The following HMBOX1 variants were observed in gnomAD, a reference collection of about 807,000 sequenced individuals.
HMBOX1 encodes homeobox-containing protein 1.
Under a neutral mutation model 54.5 loss-of-function variants are expected in HMBOX1, and 14 were observed. That is an observed-to-expected ratio of 0.26 (90% confidence interval 0.17 to 0.40). The LOEUF (loss-of-function observed/expected upper bound fraction) is 0.40, where lower values mean the gene tolerates loss of function less well. HMBOX1 is among the 10% of genes least tolerant of loss of function. The pLI is 1.00. For synonymous variants in HMBOX1, 160 were observed against 181.0 expected (o/e 0.88, Z 0.93); for missense variants, 332 against 514.4 (o/e 0.65, Z 3.43).
chr8:28,929,819 A>G (rs1231489793), intron 1 of HMBOX1, among the ~76,000 whole-genome samples: 1 of 151,520 alleles, frequency 6.6e-6, no homozygotes. Context: ...TGCCACCCAC[A>G]CTCTTGATCC....
chr8:29,024,649 A>G (rs1801738621), intron 6 of HMBOX1, among the ~76,000 whole-genome samples: 1 of 152,210 alleles, frequency 6.6e-6, no homozygotes, highest in Non-Finnish European at 1.5e-5. Context: ...TAGGAATTTA[A>G]TTACTATACA....
At chr8:28,933,099 G>A (rs2131923858) in intron 1 of HMBOX1, among the ~76,000 whole-genome samples, 1 of 152,098 alleles carries the variant, frequency 6.6e-6, no homozygotes, top group Middle Eastern at 3.4e-3. Flanking sequence ...TGGAAAGAAG[G>A]GGAAAGTCAC....
chr8:28,900,290 A>ATATATATT (rs1563349833), intron 1 of HMBOX1, among the ~76,000 whole-genome samples: 1 of 143,816 alleles, frequency 7.0e-6, no homozygotes, highest in South Asian at 2.2e-4. Flanking sequence ...ATATATATAT[A>ATATATATT]TTTTGTTTCC....
intron 6 of HMBOX1, among the ~76,000 whole-genome samples, chr8:29,023,281 A>AT (rs1801479816): frequency 6.6e-6 from 1 of 152,218 alleles, no homozygotes; most frequent in Admixed American, 6.5e-5. Context: ...ATTTATCTTG[A>AT]TTTAAAAAAA....
chr8:28,939,539 C>G (rs1403147404), intron 1 of HMBOX1, among the ~76,000 whole-genome samples: 3 of 151,966 alleles, frequency 2.0e-5, no homozygotes, highest in Admixed American at 6.5e-5. Context: ...TGGAGTCTTG[C>G]TCTTGTCGCC....
At chr8:29,044,422 C>G (rs570914207) in intron 6 of HMBOX1, among the ~76,000 whole-genome samples, 1 of 152,088 alleles carries the variant, frequency 6.6e-6, no homozygotes, top group South Asian at 2.1e-4. Flanking sequence ...TTCCCACATG[C>G]AGTCTGATGG....
intron 6 of HMBOX1, among the ~76,000 whole-genome samples, chr8:29,037,264 T>C (rs1404103491): frequency 6.6e-6 from 1 of 152,216 alleles, no homozygotes; most frequent in Non-Finnish European, 1.5e-5. Flanking sequence ...TTGTTATACC[T>C]CAGTGTGTTT....
intron 1 of HMBOX1, among the ~76,000 whole-genome samples, chr8:28,894,515 A>G (rs375080535): frequency 7.2e-5 from 11 of 152,148 alleles, no homozygotes; most frequent in African/African-American, 2.7e-4. Context: ...TTCTCTCAAA[A>G]TGGAAGCTAT....
Position 29,051,616 on chromosome 8 carries a change from C to T in HMBOX1, c.*461C>T, listed in dbSNP as rs758633110. The T allele has an allele frequency of 1.4e-6, 1 of 702,938 alleles. No homozygotes were observed. The highest frequency in any genetic ancestry group is 2.6e-6 in the Non-Finnish European group (1 of 384,972). The allele number at this position is 702,938 out of a possible 1,614,324, so 43.5% of individuals were successfully genotyped here. Reference sequence around the variant, plus strand: ...ACAGACACCATTTGGGGAGTATCCACAGAGTCAAAGGAACACTAGAATCCC... The same window carrying T: ...ACAGACACCATTTGGGGAGTATCCATAGAGTCAAAGGAACACTAGAATCCC... On this transcript the variant is annotated 3_prime_UTR_variant, in exon 10 of 10. Transcript: ENST00000287701.
At chr8:29,032,720 T>A (rs1803198691) in intron 6 of HMBOX1, among the ~76,000 whole-genome samples, 1 of 152,184 alleles carries the variant, frequency 6.6e-6, no homozygotes, top group Non-Finnish European at 1.5e-5. Flanking sequence ...GCTGGCATAG[T>A]GCTGTATGTA....
chr8:28,963,928 T>A (rs918932783), intron 2 of HMBOX1, 38 bp downstream of exon 2: 1 of 1,506,196 alleles, frequency 6.6e-7, no homozygotes, highest in Non-Finnish European at 9.2e-7. Flanking sequence ...ATCTTCACAA[T>A]CATTTTAGTA....
At position 29,018,761 on chromosome 8, in the gene HMBOX1, C is replaced by G. The variant is rs372681580; in HGVS notation, c.699C>G (p.Gly233=). The part of the protein sequence containing the change: ...RWYQLEKTNP[G]ATLSMRPAPI... ...CTAAAAGTGTCTTGTTTATTTCAGG[C>G]GCTACACTAAGTATGAGACCAGCCC... is the stretch of plus-strand genomic sequence containing the variant. Residue 233 remains glycine (G), a splice_region_variant and synonymous_variant, in exon 6 of 10, where the codon GGC becomes GGG. Coordinates refer to ENST00000287701, the MANE Select transcript of HMBOX1 (RefSeq NM_001135726.3). The G allele has an allele frequency of 1.9e-6, 3 of 1,612,370 alleles. No homozygotes were observed. The highest frequency in any genetic ancestry group is 2.5e-6 in the Non-Finnish European group (3 of 1,179,110).
intron 1 of HMBOX1, among the ~76,000 whole-genome samples, chr8:28,955,523 A>G (rs1224123542): frequency 6.6e-6 from 1 of 152,202 alleles, no homozygotes; most frequent in East Asian, 1.9e-4. Flanking sequence ...TTTTTACTCA[A>G]CACTGCATTA....
intron 6 of HMBOX1, among the ~76,000 whole-genome samples, chr8:29,022,234 T>C (rs151225401): frequency 2.4e-3 from 371 of 151,892 alleles, no homozygotes; most frequent in African/African-American, 8.4e-3. Flanking sequence ...CTAGGCAACA[T>C]AGTGAGACCC....
intron 1 of HMBOX1, among the ~76,000 whole-genome samples, chr8:28,946,772 A>G (rs751934339): frequency 7.2e-5 from 11 of 152,226 alleles, no homozygotes; most frequent in Non-Finnish European, 1.6e-4. Context: ...ACCTGTAGTT[A>G]CATATAAATC....
In HMBOX1 at chr8:29,008,783, G is replaced by C. The variant is rs143927114; in HGVS notation, c.587-289G>C. ...CTCTGACAAATAGCTTTTACTTTAG[G>C]AATCTCTTTATCTCAGATTCATGGA... is the stretch of plus-strand genomic sequence containing the variant. On this transcript the variant is annotated intron_variant, in intron 4 of 9. Transcript: ENST00000287701. 3.3e-5 allele frequency among the ~76,000 whole-genome samples: 5 copies of C among 152,230 alleles called. 1 individual carries two copies. In the South Asian group the frequency reaches 6.2e-4, roughly 19 times the overall value.
In HMBOX1 at chr8:28,935,220, C is replaced by T. The variant is rs552889575; in HGVS notation, c.-57-28591C>T. Among the ~76,000 whole-genome samples, 5 of 152,100 alleles carry T rather than the reference C, an allele frequency of 3.3e-5. No homozygotes were observed. In the East Asian group the frequency reaches 5.8e-4, roughly 18 times the overall value. On this transcript the variant is annotated intron_variant, in intron 1 of 9. Transcript: ENST00000287701. ...TTCCAAATTGTTGATAGGTTGAACCCGATCTCAATCAAATCCCTGGGAGGC... is the reference window on the plus strand; with the variant it reads ...TTCCAAATTGTTGATAGGTTGAACCTGATCTCAATCAAATCCCTGGGAGGC...
intron 5 of HMBOX1, among the ~76,000 whole-genome samples, chr8:29,011,514 C>T (rs1467788886): frequency 1.3e-5 from 2 of 152,130 alleles, no homozygotes; most frequent in Non-Finnish European, 2.9e-5. Context: ...ATGGGATAAT[C>T]AACTGGTAAG....
rs1003259728 is a variant in HMBOX1 at position 29,007,574 on chromosome 8, T to C, written c.587-1498T>C. Among the ~76,000 whole-genome samples the C allele has an allele frequency of 4.6e-5, 7 of 152,182 alleles. No individual in the cohort carries two copies. The East Asian group carries it at 1.4e-3, about 29-fold the overall frequency. ...TGGCTTGTGCCTGTAATCCAGCACT[T>C]TGGGAGGCCAAGGCAGGAGGACCAC... is the stretch of plus-strand genomic sequence containing the variant. On this transcript the variant is annotated intron_variant, in intron 4 of 9. Transcript: ENST00000287701.
Sources: gnomAD v4.1 joint callset for allele counts (sites outside exome capture counted in the v4.1 genomes callset) on GRCh38, gnomAD v4.1.1 for gene constraint, MANE v1.5 for transcripts, NCBI Gene and HGNC (gene_info 2026-07-23, HGNC 2026-07-21) for gene names.